The following UCHL1 variants were observed in gnomAD, a reference collection of about 807,000 sequenced individuals.
The protein encoded by UCHL1 is ubiquitin C-terminal hydrolase L1, also known as ubiquitin carboxyl-terminal hydrolase isozyme L1.
UCHL1 carries 5 observed loss-of-function variants against 33.3 expected under a neutral mutation model. The observed-to-expected ratio is 0.15, with a 90% confidence interval of 0.08 to 0.32. UCHL1 has a LOEUF of 0.32. Ranked by LOEUF, UCHL1 falls within the 10% of genes least tolerant of loss-of-function variation. The probability of loss-of-function intolerance (pLI) is 1.00; values close to 1 mark genes in which losing one functional copy is unlikely to be tolerated. For missense variants in UCHL1, 236 were observed against 280.0 expected, an observed-to-expected ratio of 0.84 and a Z score of 1.12; for synonymous variants, 132 against 108.8, an observed-to-expected ratio of 1.21 and a Z score of -1.33.
intron 3 of UCHL1, 78 bp downstream of exon 3, chr4:41,257,815 GCC>G: frequency 6.6e-7 from 1 of 1,503,776 alleles, no homozygotes; most frequent in Non-Finnish European, 8.8e-7. Flanking sequence ...GGGGCTCCCC[GCC>G]CCGCCCCCTC....
chr4:41,264,320 C>T lies in UCHL1; in HGVS notation c.585+159C>T, dbSNP rs949026042. ...AGATCCTCTTAGTAACTCTATCTAC[C>T]TTATTTTATTGCAAGTGGTTTTAAA... On this transcript the variant is annotated intron_variant, in intron 8 of 8. Coordinates refer to ENST00000284440, the MANE Select transcript of UCHL1 (RefSeq NM_004181.5). 5 of 888,574 alleles carry T rather than the reference C, an allele frequency of 5.6e-6. No individual in the cohort carries two copies. The African/African-American group carries it at 8.3e-5, about 15-fold the overall frequency. The allele number at this position is 888,574 out of a possible 1,614,324, so 55.0% of individuals were successfully genotyped here.
intron 6 of UCHL1, among the ~76,000 whole-genome samples, chr4:41,262,228 G>A (rs1325708706): frequency 6.6e-6 from 1 of 152,168 alleles, no homozygotes; most frequent in Non-Finnish European, 1.5e-5. Context: ...TTGGGAGGCC[G>A]AGGAGGGTGA....
chr4:41,256,965 C>T lies in UCHL1; in HGVS notation c.-12C>T, dbSNP rs766696958. 1.4e-5 allele frequency: 22 copies of T among 1,614,152 alleles called. No individual in the cohort carries two copies. Among genetic ancestry groups the T allele is most frequent in the Non-Finnish European group, 1.7e-5 (20 of 1,180,024 alleles). ...TCTTCCCTAGGCTATTTCTGCCGGG[C>T]GCTCCGCGAAGATGCAGCTCAAGCC... On this transcript the variant is annotated 5_prime_UTR_variant, in exon 1 of 9. Coordinates refer to ENST00000284440, the MANE Select transcript of UCHL1 (RefSeq NM_004181.5).
In UCHL1 at chr4:41,268,251, G is replaced by T. The variant is rs977780391; in HGVS notation, c.*178G>T. 2 of 654,630 alleles carry T rather than the reference G, an allele frequency of 3.1e-6. No individual in the cohort carries two copies. The highest frequency in any genetic ancestry group is 1.8e-5 in the African/African-American group (1 of 56,118). 40.6% of individuals were successfully genotyped at this position (654,630 alleles called of 1,614,324 possible). A position where few individuals can be genotyped will look rare whatever the true frequency, so the allele number is the denominator to read the frequency against. On this transcript the variant is annotated 3_prime_UTR_variant, in exon 9 of 9. Transcript: ENST00000284440. ...TTAAGCACAAGCAGAGTGCACAGCT[G>T]TCCACTGGGCCATTGTGGTGTGAGC...
intron 8 of UCHL1, among the ~76,000 whole-genome samples, chr4:41,266,229 T>TTG (rs1781151487): frequency 2.0e-5 from 3 of 149,024 alleles, no homozygotes; most frequent in Non-Finnish European, 4.5e-5. Flanking sequence ...GCTAAAACTT[T>TTG]TTTTTTTTTT....
intron 3 of UCHL1, among the ~76,000 whole-genome samples, chr4:41,259,463 A>G (rs892384891): frequency 1.4e-4 from 22 of 152,190 alleles, no homozygotes; most frequent in African/African-American, 5.1e-4. Context: ...AATGAATACT[A>G]AGTTGAGGAT....
At position 41,264,165 on chromosome 4, in the gene UCHL1, A is replaced by G; in HGVS notation, c.585+4A>G. On this transcript the variant is annotated splice_donor_region_variant and intron_variant, in intron 8 of 8. Coordinates refer to ENST00000284440, the MANE Select transcript of UCHL1 (RefSeq NM_004181.5). ...TTCAGAGGACACCCTGCTGAAGGTCATCTTTGGAATGCATCTCTTCTTAAT... is the reference window on the plus strand; with the variant it reads ...TTCAGAGGACACCCTGCTGAAGGTCGTCTTTGGAATGCATCTCTTCTTAAT... 3 of 1,614,174 alleles carry G rather than the reference A, an allele frequency of 1.9e-6. No individual in the cohort carries two copies. Among genetic ancestry groups the G allele is most frequent in the Non-Finnish European group, 2.5e-6 (3 of 1,180,028 alleles).
intron 3 of UCHL1, among the ~76,000 whole-genome samples, chr4:41,259,489 C>CG (rs1300709682): frequency 6.6e-6 from 1 of 152,120 alleles, no homozygotes; most frequent in Non-Finnish European, 1.5e-5. Context: ...TAGATAGAAG[C>CG]GAAAAAGTTC....
chr4:41,257,491 G>C, intron 2 of UCHL1, 118 bp from the exon 3 acceptor site: 1 of 1,305,086 alleles, frequency 7.7e-7, no homozygotes, highest in Non-Finnish European at 9.8e-7. Flanking sequence ...CGGGACTGGG[G>C]CTCCTCCCAG....
At position 41,257,751 on chromosome 4, in the gene UCHL1, C is replaced by A; in HGVS notation, c.174+14C>A. Reference sequence around the variant, plus strand: ...CTCACGGCCCAGGTAGGGCGTGGGGCCCAGGATGCGCCGGCCGCCGGCAGT... The same window carrying A: ...CTCACGGCCCAGGTAGGGCGTGGGGACCAGGATGCGCCGGCCGCCGGCAGT... On this transcript the variant is annotated intron_variant, in intron 3 of 8. Transcript: ENST00000284440. 6.4e-7 allele frequency: 1 copy of A among 1,566,268 alleles called. No individual in the cohort carries two copies. Among genetic ancestry groups the A allele is most frequent in the East Asian group, 2.4e-5 (1 of 42,510 alleles).
rs752732067 is a variant in UCHL1, at chr4:41,263,222, T to C, written c.460-3T>C. Reference sequence around the variant, plus strand: ...TTTTCAAAAATTTCTTGACTTTCTTTAGGTAGATGACAAGGTGAATTTCCA... The same window carrying C: ...TTTTCAAAAATTTCTTGACTTTCTTCAGGTAGATGACAAGGTGAATTTCCA... On this transcript the variant is annotated splice_polypyrimidine_tract_variant and splice_region_variant and intron_variant, in intron 6 of 8. Transcript: ENST00000284440. The C allele has an allele frequency of 1.1e-5, 17 of 1,613,508 alleles. No individual in the cohort carries two copies. The Admixed American group carries it at 2.0e-4, about 19-fold the overall frequency.
At position 41,256,993 on chromosome 4, in the gene UCHL1, T is replaced by C; in HGVS notation, c.17T>C (p.Met6Thr). The change falls in exon 1 of 9, where the codon ATG (methionine) becomes ACG (threonine). Residue 6 changes from methionine to threonine, a missense_variant. Coordinates refer to ENST00000284440, the MANE Select transcript of UCHL1 (RefSeq NM_004181.5). MQLKP[M>T]EINPEMLNKV... ...TCCGCGAAGATGCAGCTCAAGCCGA[T>C]GGAGATCAACCCCGAGGTGAGCGCC... The C allele has an allele frequency of 6.2e-7, 1 of 1,614,138 alleles. No homozygotes were observed. The highest frequency in any genetic ancestry group is 8.5e-7 in the Non-Finnish European group (1 of 1,180,014).
chr4:41,267,998 G>C lies in UCHL1; in HGVS notation c.597G>C (p.Lys199Asn), dbSNP rs755650397. 6 of 1,613,226 alleles carry C rather than the reference G, an allele frequency of 3.7e-6. No individual in the cohort carries two copies. The highest frequency in any genetic ancestry group is 5.1e-6 in the Non-Finnish European group (6 of 1,179,732). Residue 199 changes from lysine to asparagine, a missense_variant, in exon 9 of 9, where the codon AAG (lysine) becomes AAC (asparagine). By Grantham distance (94) the Lys-to-Asn change is moderately conservative. Transcript: ENST00000284440. The part of the protein sequence containing the change: ...SEDTLLKDAA[K>N]VCREFTEREQ... ...TTTCTCCTTTCCAGGACGCTGCCAAGGTCTGCAGAGAATTCACCGAGCGTG... is the reference window on the plus strand; with the variant it reads ...TTTCTCCTTTCCAGGACGCTGCCAACGTCTGCAGAGAATTCACCGAGCGTG...
intron 3 of UCHL1, among the ~76,000 whole-genome samples, 154 bp downstream of exon 3, chr4:41,257,891 C>T (rs1781008643): frequency 6.6e-6 from 1 of 152,216 alleles, no homozygotes; most frequent in Non-Finnish European, 1.5e-5. Flanking sequence ...GTGGTACCTA[C>T]TCCCTGGGCT....
rs544988955 is a variant in UCHL1, at chr4:41,257,490, G to A, written c.46-119G>A. The A allele has an allele frequency of 4.6e-6, 6 of 1,302,328 alleles. No individual in the cohort carries two copies. The Admixed American group carries it at 2.4e-4, about 52-fold the overall frequency. 80.7% of individuals were successfully genotyped at this position (1,302,328 alleles called of 1,614,324 possible). A position where few individuals can be genotyped will look rare whatever the true frequency, so the allele number is the denominator to read the frequency against. On this transcript the variant is annotated intron_variant, in intron 2 of 8. Coordinates refer to ENST00000284440, the MANE Select transcript of UCHL1 (RefSeq NM_004181.5). ...GGTGGGGGTGGCAGGGCGGGACTGG[G>A]GCTCCTCCCAGGCTCGGGTGCGGGC...
Position 41,256,948 on chromosome 4 carries a change from A to G in UCHL1, c.-29A>G, listed in dbSNP as rs1780982395. On this transcript the variant is annotated 5_prime_UTR_variant, in exon 1 of 9. Transcript: ENST00000284440. Reference sequence around the variant, plus strand: ...CCGCTAGCTGTTTTTCGTCTTCCCTAGGCTATTTCTGCCGGGCGCTCCGCG... The same window carrying G: ...CCGCTAGCTGTTTTTCGTCTTCCCTGGGCTATTTCTGCCGGGCGCTCCGCG... The G allele has an allele frequency of 2.5e-6, 4 of 1,614,060 alleles. No individual in the cohort carries two copies. Among genetic ancestry groups the G allele is most frequent in the Admixed American group, 1.7e-5 (1 of 60,028 alleles).
In UCHL1 at chr4:41,257,822, C is replaced by T. The variant is rs930637351; in HGVS notation, c.174+85C>T. 1.0e-5 allele frequency: 15 copies of T among 1,497,926 alleles called. No individual in the cohort carries two copies. The African/African-American group carries it at 1.8e-4, about 18-fold the overall frequency. The allele number at this position is 1,497,926 out of a possible 1,614,324, so 92.8% of individuals were successfully genotyped here. On this transcript the variant is annotated intron_variant, in intron 3 of 8. Coordinates refer to ENST00000284440, the MANE Select transcript of UCHL1 (RefSeq NM_004181.5). Reference sequence around the variant, plus strand: ...AGTCCTCGGGGGCTCCCCGCCCCGCCCCCTCCCCTGTAGGTGATGCGGGGC... The same window carrying T: ...AGTCCTCGGGGGCTCCCCGCCCCGCTCCCTCCCCTGTAGGTGATGCGGGGC...
rs1404795966 is a variant in UCHL1 at position 41,268,076 on chromosome 4, C to T, written c.*3C>T. On this transcript the variant is annotated 3_prime_UTR_variant, in exon 9 of 9. Coordinates refer to ENST00000284440, the MANE Select transcript of UCHL1 (RefSeq NM_004181.5). ...TGGCTCTCTGCAAGGCAGCCTAATGCTCTGTGGGAGGGACTTTGCTGATTT... is the reference window on the plus strand; with the variant it reads ...TGGCTCTCTGCAAGGCAGCCTAATGTTCTGTGGGAGGGACTTTGCTGATTT... The T allele has an allele frequency of 1.2e-6, 2 of 1,612,560 alleles. No individual in the cohort carries two copies. The highest frequency in any genetic ancestry group is 1.7e-6 in the Non-Finnish European group (2 of 1,179,270).
rs532974616 is a variant in UCHL1 at position 41,257,767 on chromosome 4, C to T, written c.174+30C>T. 21 of 1,549,638 alleles carry T rather than the reference C, an allele frequency of 1.4e-5. No homozygotes were observed. The Middle Eastern group carries it at 2.0e-3, about 145-fold the overall frequency. ...GGCGTGGGGCCCAGGATGCGCCGGC[C>T]GCCGGCAGTGCACGCCGCTCCCCAG... On this transcript the variant is annotated intron_variant, in intron 3 of 8. Coordinates refer to ENST00000284440, the MANE Select transcript of UCHL1 (RefSeq NM_004181.5).
Sources: allele counts gnomAD v4.1 joint callset (sites outside exome capture counted in the v4.1 genomes callset), GRCh38; gene constraint gnomAD v4.1.1; transcripts MANE v1.5; gene names NCBI Gene and HGNC (gene_info 2026-07-23, HGNC 2026-07-21).